Variants in DSCAM observed in about 807,000 individuals in gnomAD.
The protein encoded by DSCAM is DS cell adhesion molecule, also known as cell adhesion molecule DSCAM.
Under a neutral mutation model 217.7 loss-of-function variants are expected in DSCAM, and 47 were observed. The observed-to-expected ratio is 0.22, with a 90% CI of 0.17 to 0.28. The LOEUF (loss-of-function observed/expected upper bound fraction) is 0.28. Ranked by LOEUF, DSCAM falls within the 10% of genes least tolerant of loss-of-function variation. The probability of loss-of-function intolerance (pLI) is 1.00; values close to 1 mark genes in which losing one functional copy is unlikely to be tolerated. For synonymous variants in DSCAM, 1,056 were observed against 1,015.3 expected (o/e 1.04, Z -0.76); for missense variants, 2,080 against 2,618.3 (o/e 0.79, Z 4.49).
Position 40,632,325 on chromosome 21 carries a change from G to A in DSCAM, c.508+60485C>T, listed in dbSNP as rs372430572. On this transcript the variant is annotated intron_variant, in intron 3 of 32. Coordinates refer to ENST00000400454, the MANE Select transcript of DSCAM (RefSeq NM_001389.5). ...GTAAATAAAAAAATGAAGAGGTAGA[G>A]AAAGTCGTTTACAAGAATAAAAGGA... Among the ~76,000 whole-genome samples the A allele has an allele frequency of 4.1e-4, 56 of 135,368 alleles. No homozygotes were observed. In the East Asian group the frequency reaches 0.011, roughly 27 times the overall value. 88.8% of individuals were successfully genotyped at this position (135,368 alleles called of 152,430 possible).
At chr21:40,831,293 C>T (rs2837843) in intron 1 of DSCAM, among the ~76,000 whole-genome samples, 105,054 of 151,626 alleles carry the variant, frequency 0.69, 36,489 homozygotes, top group East Asian at 0.77. Context: ...ATCACCATAG[C>T]GTGGCACAGG....
chr21:40,324,131 A>G lies in DSCAM; in HGVS notation c.1784-11772T>C, dbSNP rs71318519. On this transcript the variant is annotated intron_variant, in intron 8 of 32. Transcript: ENST00000400454. ...AAAAAAAAAAAAAAAAAAAAAAAAA[A>G]GAAAAAAAAAAGAGAGAGAGAGAAA... Among the ~76,000 whole-genome samples, 1,803 of 111,004 alleles carry G rather than the reference A, an allele frequency of 0.016. 56 individuals are homozygous for G. The East Asian group carries it at 0.16, about 10-fold the overall frequency. 72.8% of individuals were successfully genotyped at this position (111,004 alleles called of 152,430 possible).
chr21:40,229,293 A>G (rs1412483278), intron 11 of DSCAM, among the ~76,000 whole-genome samples: 1 of 152,208 alleles, frequency 6.6e-6, no homozygotes, highest in Non-Finnish European at 1.5e-5. Flanking sequence ...AATTAGATTG[A>G]TTTGCACAGT....
chr21:40,537,491 AC>A (rs2076508523), intron 3 of DSCAM, among the ~76,000 whole-genome samples: 1 of 151,802 alleles, frequency 6.6e-6, no homozygotes, highest in Admixed American at 6.6e-5. Flanking sequence ...TATATTCCCC[AC>A]CCCCACCAAA....
At chr21:40,480,786 T>C (rs775915890) in intron 3 of DSCAM, among the ~76,000 whole-genome samples, 1 of 152,200 alleles carries the variant, frequency 6.6e-6, no homozygotes, top group Non-Finnish European at 1.5e-5. Context: ...TCACTGACAC[T>C]TTGAATTTCA....
chr21:40,128,807 G>A (rs1339466274), intron 19 of DSCAM, among the ~76,000 whole-genome samples: 1 of 152,014 alleles, frequency 6.6e-6, no homozygotes, highest in African/African-American at 2.4e-5. Context: ...CGGACCCTCA[G>A]CAGGGGACTC....
chr21:40,504,333 T>C (rs2076193765), intron 3 of DSCAM, among the ~76,000 whole-genome samples: 1 of 152,152 alleles, frequency 6.6e-6, no homozygotes, highest in Admixed American at 6.5e-5. Context: ...GTCCCAGCAA[T>C]GGTGATGGCC....
At chr21:40,129,457 C>T (rs971830541) in intron 19 of DSCAM, among the ~76,000 whole-genome samples, 3 of 152,156 alleles carry the variant, frequency 2.0e-5, no homozygotes, top group African/African-American at 7.2e-5. Context: ...AGTGGGGTGG[C>T]TCTTGAAGCT....
chr21:40,278,237 A>G (rs1441294225), intron 10 of DSCAM, among the ~76,000 whole-genome samples: 1 of 152,204 alleles, frequency 6.6e-6, no homozygotes, highest in Non-Finnish European at 1.5e-5. Flanking sequence ...AGACCTAAAT[A>G]ATTAGAGAGT....
chr21:40,303,035 T>C (rs2074033571), intron 9 of DSCAM, among the ~76,000 whole-genome samples: 1 of 152,210 alleles, frequency 6.6e-6, no homozygotes, highest in South Asian at 2.1e-4. Context: ...GCTGTAAACC[T>C]GGGCAGAAAT....
chr21:40,037,449 C>CAAAAT (rs2088647904), intron 32 of DSCAM, among the ~76,000 whole-genome samples: 2 of 142,986 alleles, frequency 1.4e-5, no homozygotes, highest in African/African-American at 2.7e-5. Context: ...CCTAGGAATC[C>CAAAAT]AACTTACAAG....
At chr21:40,193,865 C>G (rs911436565) in intron 11 of DSCAM, among the ~76,000 whole-genome samples, 1 of 152,194 alleles carries the variant, frequency 6.6e-6, no homozygotes, top group Non-Finnish European at 1.5e-5. Context: ...CCAATGAGAG[C>G]AAGCCAATTC....
At chr21:40,542,461 G>T (rs1012659115) in intron 3 of DSCAM, among the ~76,000 whole-genome samples, 1 of 152,202 alleles carries the variant, frequency 6.6e-6, no homozygotes, top group Non-Finnish European at 1.5e-5. Flanking sequence ...CTCCCACTGT[G>T]ATTGTATTAG....
intron 3 of DSCAM, among the ~76,000 whole-genome samples, chr21:40,627,010 TC>T (rs1163974305): frequency 6.6e-6 from 1 of 152,188 alleles, no homozygotes; most frequent in Non-Finnish European, 1.5e-5. Flanking sequence ...TTCCATATGC[TC>T]AGCCTACTAG....
intron 3 of DSCAM, among the ~76,000 whole-genome samples, chr21:40,401,789 C>T (rs1209525619): frequency 6.6e-6 from 1 of 152,100 alleles, no homozygotes; most frequent in Non-Finnish European, 1.5e-5. Context: ...CAGCCCAAGC[C>T]AGGGCCTTCC....
chr21:40,250,155 G>C (rs1005378246), intron 11 of DSCAM, among the ~76,000 whole-genome samples: 1 of 152,202 alleles, frequency 6.6e-6, no homozygotes, highest in Non-Finnish European at 1.5e-5. Context: ...GTTCAGGCCA[G>C]TAGAATGACC....
rs2073681249 is a variant in DSCAM at position 40,275,997 on chromosome 21, G to A, written c.2356+100C>T. 4.0e-6 allele frequency: 5 copies of A among 1,262,096 alleles called. No homozygotes were observed. The Admixed American group carries it at 1.1e-4, about 28-fold the overall frequency. The allele number at this position is 1,262,096 out of a possible 1,614,324, so 78.2% of individuals were successfully genotyped here. ...ATCACACCAACGGGTCTTCTTTTGT[G>A]TTGCTTTTAAACAGGTATGTATGGA... On this transcript the variant is annotated intron_variant, in intron 11 of 32. Coordinates refer to ENST00000400454, the MANE Select transcript of DSCAM (RefSeq NM_001389.5).
intron 2 of DSCAM, among the ~76,000 whole-genome samples, chr21:40,698,933 CT>C (rs1333799363): frequency 7.0e-6 from 1 of 142,722 alleles, no homozygotes; most frequent in Admixed American, 7.1e-5. Context: ...TGAGTCCATT[CT>C]TTGCATCTGG....
chr21:40,556,832 T>A (rs547313294), intron 3 of DSCAM, among the ~76,000 whole-genome samples: 24 of 152,218 alleles, frequency 1.6e-4, no homozygotes, highest in Middle Eastern at 6.8e-3. Context: ...AATCTCAACA[T>A]GAGGTTTGAA....
Sources: gnomAD v4.1 joint callset for allele counts (sites outside exome capture counted in the v4.1 genomes callset) on GRCh38, gnomAD v4.1.1 for gene constraint, MANE v1.5 for transcripts, NCBI Gene and HGNC (gene_info 2026-07-23, HGNC 2026-07-21) for gene names.